Variants in LRMDA observed in about 807,000 individuals in gnomAD.
LRMDA encodes leucine rich melanocyte differentiation associated, also known as leucine-rich melanocyte differentiation-associated protein.
A neutral mutation model predicts 29.8 loss-of-function variants in LRMDA; 18 were observed. That is an observed-to-expected ratio of 0.60 (90% CI 0.42 to 0.90). LRMDA has a LOEUF of 0.90. LRMDA is among the 40% of genes least tolerant of loss of function. LRMDA has a pLI of 0.00. For missense variants in LRMDA, 273 were observed against 273.9 expected, an observed-to-expected ratio of 1.00 and a Z score of 0.02; for synonymous variants, 125 against 109.4, an observed-to-expected ratio of 1.14 and a Z score of -0.89.
chr10:76,358,850 A>G (rs1039899748), intron 6 of LRMDA, among the ~76,000 whole-genome samples: 1 of 152,196 alleles, frequency 6.6e-6, no homozygotes, highest in African/African-American at 2.4e-5. Flanking sequence ...GGATGCACAT[A>G]GTAGGCATTG....
At chr10:75,837,359 C>A (rs1270156811) in intron 2 of LRMDA, among the ~76,000 whole-genome samples, 2 of 152,018 alleles carry the variant, frequency 1.3e-5, no homozygotes, top group Admixed American at 1.3e-4. Flanking sequence ...TTGAGTGAGC[C>A]CTTGAATGAT....
chr10:76,411,995 T>G (rs1430221375), intron 6 of LRMDA, among the ~76,000 whole-genome samples: 1 of 152,252 alleles, frequency 6.6e-6, no homozygotes, highest in African/African-American at 2.4e-5. Context: ...CACCTCTTAG[T>G]GCATTTACAA....
chr10:76,324,443 A>G lies in LRMDA; in HGVS notation c.559A>G (p.Thr187Ala). Reference sequence around the variant, plus strand: ...TGCCAGCTCCCCGGAGCGCCACTACACGCCCTTGCCTTCTGCTTCCAGGGA... The same window carrying G: ...TGCCAGCTCCCCGGAGCGCCACTACGCGCCCTTGCCTTCTGCTTCCAGGGA... ...DVASSPERHY[T>A]PLPSASRELT... The change falls in exon 6 of 7, where the codon ACG becomes GCG. Residue 187 changes from threonine (T) to alanine (A), a missense_variant. Transcript: ENST00000611255. 2 of 1,613,988 alleles carry G rather than the reference A, an allele frequency of 1.2e-6. No homozygotes were observed. The highest frequency in any genetic ancestry group is 1.7e-6 in the Non-Finnish European group (2 of 1,179,992).
At chr10:75,550,261 A>G (rs1050257691) in intron 2 of LRMDA, among the ~76,000 whole-genome samples, 6 of 152,000 alleles carry the variant, frequency 3.9e-5, no homozygotes, top group Non-Finnish European at 5.9e-5. Flanking sequence ...TTTTTGATCT[A>G]CTTTTTATAT....
At chr10:76,034,062 A>G (rs1422602932) in intron 2 of LRMDA, among the ~76,000 whole-genome samples, 2 of 152,236 alleles carry the variant, frequency 1.3e-5, no homozygotes, top group Admixed American at 1.3e-4. Flanking sequence ...GCTGGAAGGA[A>G]CACAGAACAG....
chr10:75,700,738 G>A (rs957054773), intron 2 of LRMDA, among the ~76,000 whole-genome samples: 6 of 152,118 alleles, frequency 3.9e-5, no homozygotes, highest in Non-Finnish European at 8.8e-5. Context: ...GAACATGGAA[G>A]GCATCCAATA....
At chr10:75,576,654 G>A (rs1316223866) in intron 2 of LRMDA, among the ~76,000 whole-genome samples, 2 of 152,182 alleles carry the variant, frequency 1.3e-5, no homozygotes, top group African/African-American at 4.8e-5. Context: ...GCTCAGTAAG[G>A]CCACTGCAGC....
intron 3 of LRMDA, among the ~76,000 whole-genome samples, chr10:76,039,113 T>G (rs1848300503): frequency 6.6e-6 from 1 of 152,244 alleles, no homozygotes; most frequent in South Asian, 2.1e-4. Context: ...CAAGTTCAAC[T>G]TATATCATGT....
At chr10:75,490,681 G>A (rs902926671) in intron 2 of LRMDA, among the ~76,000 whole-genome samples, 1 of 152,124 alleles carries the variant, frequency 6.6e-6, no homozygotes, top group Admixed American at 6.5e-5. Context: ...TTAGTTCAGG[G>A]ATTGCAACTA....
chr10:75,791,993 G>A (rs1358138585), intron 2 of LRMDA, among the ~76,000 whole-genome samples: 1 of 151,144 alleles, frequency 6.6e-6, no homozygotes, highest in Non-Finnish European at 1.5e-5. Flanking sequence ...TTGAGTAGCT[G>A]GGACTGCAGG....
chr10:76,266,331 A>AGGTGT (rs1464950671), intron 5 of LRMDA, among the ~76,000 whole-genome samples: 1 of 152,118 alleles, frequency 6.6e-6, no homozygotes, highest in Non-Finnish European at 1.5e-5. Context: ...TTCTCCATAG[A>AGGTGT]ATACTCCTTT....
chr10:76,497,508 C>T (rs887640415), intron 6 of LRMDA, among the ~76,000 whole-genome samples: 1 of 75,250 alleles, frequency 1.3e-5, no homozygotes, highest in African/African-American at 3.2e-5. Context: ...ACCATGCCCA[C>T]CACTTCAACT....
At chr10:76,034,202 AT>A (rs1324884014) in intron 2 of LRMDA, among the ~76,000 whole-genome samples, 2 of 151,936 alleles carry the variant, frequency 1.3e-5, no homozygotes, top group East Asian at 3.9e-4. Context: ...TTTTGTTTGT[AT>A]TTTTTGTGGG....
intron 5 of LRMDA, among the ~76,000 whole-genome samples, chr10:76,084,280 C>G (rs1398764521): frequency 2.6e-5 from 4 of 151,840 alleles, no homozygotes; most frequent in East Asian, 1.9e-4. Flanking sequence ...TTACCACAAC[C>G]TCTGCCTCCC....
At chr10:75,906,412 G>C (rs1845759530) in intron 2 of LRMDA, among the ~76,000 whole-genome samples, 1 of 152,146 alleles carries the variant, frequency 6.6e-6, no homozygotes, top group Non-Finnish European at 1.5e-5. Flanking sequence ...AGAAAGGTGA[G>C]GTATCTTGCT....
intron 2 of LRMDA, among the ~76,000 whole-genome samples, chr10:75,447,965 G>T (rs1403747624): frequency 6.6e-6 from 1 of 152,126 alleles, no homozygotes; most frequent in Admixed American, 6.5e-5. Context: ...CCAATGTGAG[G>T]GTGGTTTTTG....
chr10:76,540,930 A>T (rs1843346676), intron 6 of LRMDA, among the ~76,000 whole-genome samples: 1 of 152,218 alleles, frequency 6.6e-6, no homozygotes, highest in South Asian at 2.1e-4. Context: ...AATGCTTGAC[A>T]ATACCTGCAC....
At chr10:76,549,328 CCT>C (rs1306519583) in intron 6 of LRMDA, among the ~76,000 whole-genome samples, 3 of 152,098 alleles carry the variant, frequency 2.0e-5, no homozygotes, top group Non-Finnish European at 2.9e-5. Context: ...ACTTCCTTCC[CCT>C]GTTTTTCCTT....
intron 6 of LRMDA, among the ~76,000 whole-genome samples, chr10:76,472,821 T>C (rs1842631098): frequency 6.6e-6 from 1 of 151,248 alleles, no homozygotes; most frequent in Admixed American, 6.6e-5. Context: ...CAAGAAGAAA[T>C]AGAACATTTG....
Sources: gnomAD v4.1 joint callset for allele counts (sites outside exome capture counted in the v4.1 genomes callset) on GRCh38, gnomAD v4.1.1 for gene constraint, MANE v1.5 for transcripts, NCBI Gene and HGNC (gene_info 2026-07-23, HGNC 2026-07-21) for gene names.